The following BARX2 variants were observed in gnomAD, a reference collection of about 807,000 sequenced individuals.
BARX2 encodes the protein BARX homeobox 2.
A neutral mutation model predicts 25.5 loss-of-function variants in BARX2; 11 were observed. The observed-to-expected ratio is 0.43, with a 90% CI of 0.27 to 0.71. The LOEUF is 0.71. Among genes scored for constraint, BARX2 ranks in the 30% least tolerant of loss-of-function variants. BARX2 has a pLI of 0.19. For synonymous variants in BARX2, 137 were observed against 149.5 expected (o/e 0.92, Z 0.61); for missense variants, 360 against 359.9 (o/e 1.00, Z 0.00).
chr11:129,452,207 A>G lies in BARX2; in HGVS notation c.*805A>G, dbSNP rs1224273595. 1.3e-5 allele frequency: 2 copies of G among 152,202 alleles called. No homozygotes were observed. The highest frequency in any genetic ancestry group is 6.5e-5 in the Admixed American group (1 of 15,288). The allele number at this position is 152,202 out of a possible 1,614,324, so 9.4% of individuals were successfully genotyped here. The stretch of plus-strand genomic sequence containing the variant: ...TTCGGCATAAATGGGTTAAGGTGCC[A>G]TCCCTGAAACTGCAATGCAGATATG... On this transcript the variant is annotated 3_prime_UTR_variant, in exon 4 of 4. Transcript: ENST00000281437.
intron 3 of BARX2, 84 bp from the exon 4 acceptor site, chr11:129,451,052 T>G (rs1044246449): frequency 6.6e-7 from 1 of 1,507,400 alleles, no homozygotes; most frequent in Admixed American, 1.9e-5. Flanking sequence ...ATGGTTTAGA[T>G]GCAACGTGAG....
intron 1 of BARX2, among the ~76,000 whole-genome samples, chr11:129,435,586 C>T (rs1429502019): frequency 3.3e-5 from 5 of 152,196 alleles, no homozygotes; most frequent in African/African-American, 1.2e-4. Context: ...TCCCAAAGGG[C>T]AGTCCCTGGG....
intron 1 of BARX2, among the ~76,000 whole-genome samples, chr11:129,409,542 A>T (rs1335299113): frequency 6.6e-6 from 1 of 152,140 alleles, no homozygotes; most frequent in Non-Finnish European, 1.5e-5. Context: ...AATATATTTG[A>T]TGGGATAATT....
chr11:129,414,065 C>CAAAAAAAAAAAAAAAA (rs879620964), intron 1 of BARX2, among the ~76,000 whole-genome samples: 1 of 133,142 alleles, frequency 7.5e-6, no homozygotes, highest in African/African-American at 2.8e-5. Context: ...GACTCCATCT[C>CAAAAAAAAAAAAAAAA]AAAAAAAAAA....
chr11:129,405,067 TGA>T (rs1172939374), intron 1 of BARX2, among the ~76,000 whole-genome samples: 1 of 152,230 alleles, frequency 6.6e-6, no homozygotes, highest in Non-Finnish European at 1.5e-5. Flanking sequence ...CCGCTTGATC[TGA>T]GAGACATTTC....
intron 1 of BARX2, among the ~76,000 whole-genome samples, chr11:129,378,563 C>CTTTTTTTTTTTTT (rs56804728): frequency 4.2e-4 from 47 of 111,200 alleles, no homozygotes; most frequent in Non-Finnish European, 5.7e-4. Flanking sequence ...TTTTCTTTTT[C>CTTTTTTTTTTTTT]TTTTTTTTTT....
At chr11:129,411,189 G>C (rs1296394747) in intron 1 of BARX2, among the ~76,000 whole-genome samples, 1 of 152,024 alleles carries the variant, frequency 6.6e-6, no homozygotes, top group African/African-American at 2.4e-5. Flanking sequence ...GGCTAATATG[G>C]TGAAACCCCG....
intron 1 of BARX2, among the ~76,000 whole-genome samples, chr11:129,377,766 A>G (rs1290922497): frequency 6.6e-6 from 1 of 152,242 alleles, no homozygotes; most frequent in Non-Finnish European, 1.5e-5. Flanking sequence ...CGTATGGGAC[A>G]TTCCCAGGAC....
intron 1 of BARX2, among the ~76,000 whole-genome samples, chr11:129,420,440 G>A (rs1403645793): frequency 1.3e-5 from 2 of 152,218 alleles, no homozygotes; most frequent in Non-Finnish European, 2.9e-5. Context: ...TCTGTTTCTA[G>A]TTCGGACCTC....
intron 1 of BARX2, among the ~76,000 whole-genome samples, chr11:129,434,853 T>C (rs1862171570): frequency 6.6e-6 from 1 of 152,322 alleles, no homozygotes. Flanking sequence ...ATGCTAGATA[T>C]TACCACACTT....
rs183953807 is a variant in BARX2 at position 129,411,126 on chromosome 11, C to T, written c.188-25625C>T. On this transcript the variant is annotated intron_variant, in intron 1 of 3. Coordinates refer to ENST00000281437, the MANE Select transcript of BARX2 (RefSeq NM_003658.5). ...GTGGCTCACGCCTGTAATCCCAGCACTTTGGGAGGCCGAGGCGGGTGGATC... is the reference window on the plus strand; with the variant it reads ...GTGGCTCACGCCTGTAATCCCAGCATTTTGGGAGGCCGAGGCGGGTGGATC... Among the ~76,000 whole-genome samples the T allele has an allele frequency of 3.3e-3, 508 of 152,252 alleles. 4 individuals carry two copies. Among genetic ancestry groups the T allele is most frequent in the African/African-American group, 0.011 (471 of 41,548 alleles).
At chr11:129,398,147 T>C (rs923954280) in intron 1 of BARX2, among the ~76,000 whole-genome samples, 9 of 152,222 alleles carry the variant, frequency 5.9e-5, no homozygotes, top group Non-Finnish European at 1.3e-4. Flanking sequence ...TGATGCAGAC[T>C]GTGATGGTGA....
intron 1 of BARX2, among the ~76,000 whole-genome samples, chr11:129,395,502 C>T (rs1338228201): frequency 1.3e-5 from 2 of 152,078 alleles, no homozygotes; most frequent in Admixed American, 6.6e-5. Flanking sequence ...GTTAGTGGGC[C>T]GTGAGTTCCG....
intron 1 of BARX2, among the ~76,000 whole-genome samples, chr11:129,421,253 A>G (rs534145228): frequency 1.3e-5 from 2 of 152,314 alleles, no homozygotes; most frequent in East Asian, 3.9e-4. Context: ...ACATGAGTAA[A>G]TATTGATGTC....
At chr11:129,398,056 C>T (rs960487860) in intron 1 of BARX2, among the ~76,000 whole-genome samples, 6 of 152,156 alleles carry the variant, frequency 3.9e-5, no homozygotes, top group Non-Finnish European at 8.8e-5. Context: ...ACTGATAACA[C>T]GATCTCAACT....
At position 129,376,053 on chromosome 11, in the gene BARX2, G is replaced by T. The variant is rs779188398; in HGVS notation, c.18G>T (p.Glu6Asp). MHCHA[E>D]LRLSSPGQLK... is the part of the protein sequence containing the mutation. ...GGCTCACCATGCACTGCCACGCCGA[G>T]CTGAGGCTGAGCTCGCCCGGCCAGC... The change falls in exon 1 of 4, where the codon GAG becomes GAT. Residue 6 changes from glutamate (E) to aspartate (D), a missense_variant. Physicochemically the swap from Glu to Asp is conservative, Grantham distance 45. Around this residue, in one of 3 missense-constraint regions of BARX2, gnomAD observed 240 missense variants for 228.7 expected, o/e 1.05. Transcript: ENST00000281437. The surrounding 1 kb of genome is among the most constrained non-coding windows in gnomAD (Gnocchi z 4.2). The T allele has an allele frequency of 6.3e-6, 10 of 1,595,442 alleles. No homozygotes were observed. The Admixed American group carries it at 1.2e-4, about 19-fold the overall frequency.
intron 1 of BARX2, among the ~76,000 whole-genome samples, chr11:129,431,876 A>G (rs1565520009): frequency 1.3e-5 from 2 of 151,904 alleles, no homozygotes. Context: ...ATTTTTCTCT[A>G]ATGTTTCTTT....
chr11:129,402,129 G>A (rs1169069450), intron 1 of BARX2, among the ~76,000 whole-genome samples: 4 of 151,864 alleles, frequency 2.6e-5, no homozygotes, highest in Admixed American at 2.6e-4. Flanking sequence ...TGAAATGACT[G>A]CCATTTTAGA....
At chr11:129,410,249 C>A (rs886223572) in intron 1 of BARX2, among the ~76,000 whole-genome samples, 4 of 152,130 alleles carry the variant, frequency 2.6e-5, no homozygotes, top group African/African-American at 9.7e-5. Context: ...CTGTCTTCTA[C>A]TTTGAAAATT....
Sources: gnomAD v4.1 joint callset for allele counts (sites outside exome capture counted in the v4.1 genomes callset) on GRCh38, gnomAD v4.1.1 for gene constraint, gnomAD v4.1.1 regional missense constraint, Gnocchi (gnomAD v3.1) non-coding constraint, MANE v1.5 for transcripts, NCBI Gene and HGNC (gene_info 2026-07-23, HGNC 2026-07-21) for gene names.